The following ABCC12 variants were observed in gnomAD, a reference collection of about 807,000 sequenced individuals.
The protein encoded by ABCC12 is ATP binding cassette subfamily C member 12.
ABCC12 carries 142 observed loss-of-function variants against 151.1 expected under a neutral mutation model. That is an observed-to-expected ratio of 0.94 (90% CI 0.82 to 1.08). The LOEUF (loss-of-function observed/expected upper bound fraction) is 1.08, where lower values mean the gene tolerates loss of function less well. Among genes scored for constraint, ABCC12 ranks in the 50% least tolerant of loss-of-function variants. The pLI, the probability that ABCC12 is intolerant of heterozygous loss-of-function variation, is 0.00. For missense variants in ABCC12, 1,638 were observed against 1,691.1 expected (o/e 0.97, Z 0.55); for synonymous variants, 645 against 646.4 (o/e 1.00, Z 0.03).
chr16:48,116,624 C>T (rs899134691), intron 14 of ABCC12, among the ~76,000 whole-genome samples: 7 of 152,118 alleles, frequency 4.6e-5, no homozygotes, highest in Non-Finnish European at 8.8e-5. Flanking sequence ...GAAGGCTTCA[C>T]GGCCACTTCC....
chr16:48,138,407 G>T (rs375238319), intron 7 of ABCC12, 32 bp from the exon 8 acceptor site: 2 of 1,586,950 alleles, frequency 1.3e-6, no homozygotes, highest in African/African-American at 2.7e-5. Context: ...TGTTTTCAGA[G>T]AGAAGTGCTG....
chr16:48,100,830 T>C, intron 23 of ABCC12, 42 bp downstream of exon 23: 3 of 1,603,484 alleles, frequency 1.9e-6, no homozygotes, highest in East Asian at 4.5e-5. Flanking sequence ...GAGTCAGGCA[T>C]GAAGCATGGG....
At chr16:48,127,814 C>T (rs1054895986) in intron 11 of ABCC12, among the ~76,000 whole-genome samples, 1 of 152,130 alleles carries the variant, frequency 6.6e-6, no homozygotes, top group African/African-American at 2.4e-5. Context: ...AATCTCAGCA[C>T]TTGACCCAGG....
chr16:48,115,334 G>A (rs1467476045), intron 15 of ABCC12, 81 bp downstream of exon 15: 3 of 1,459,784 alleles, frequency 2.1e-6, no homozygotes, highest in African/African-American at 2.8e-5. Context: ...GGCAGATATA[G>A]GCAGAAGAGG....
In ABCC12 at chr16:48,105,251, A is replaced by AC; in HGVS notation, c.2560dup (p.Val854GlyfsTer33). 6.2e-7 allele frequency: 1 copy of AC among 1,614,088 alleles called. No individual in the cohort carries two copies. The highest frequency in any genetic ancestry group is 1.1e-5 in the South Asian group (1 of 91,064). ...CATGAACACCATGCTTGCAGTGTAC[A>AC]CCCACTGGTACACATGCTGACCGAT... On this transcript the variant is annotated frameshift_variant, in exon 21 of 31. Transcript: ENST00000311303. LOFTEE classifies it high-confidence loss of function.
At chr16:48,093,900 C>T (rs1007236326) in intron 24 of ABCC12, among the ~76,000 whole-genome samples, 3 of 152,200 alleles carry the variant, frequency 2.0e-5, no homozygotes, top group Non-Finnish European at 2.9e-5. Context: ...ATGCCAATTT[C>T]TCATCCATCT....
rs8057474 is a variant in ABCC12, at chr16:48,104,361, T to C, written c.2681A>G (p.Lys894Arg). 6.2e-7 allele frequency: 1 copy of C among 1,614,128 alleles called. No individual in the cohort carries two copies. The highest frequency in any genetic ancestry group is 1.7e-5 in the Admixed American group (1 of 60,012). ...LHDTVFDKIL[K>R]SPMSFFDTTP... Reference sequence around the variant, plus strand: ...CGTGTCAAAGAAACTCATTGGGCTCTTTAAGATCTGTGGAGAATGGTAGAG... The same window carrying C: ...CGTGTCAAAGAAACTCATTGGGCTCCTTAAGATCTGTGGAGAATGGTAGAG... Residue 894 changes from lysine (K) to arginine (R), a missense_variant, in exon 22 of 31, where the codon AAG becomes AGG. Physicochemically the swap from Lys to Arg is conservative, Grantham distance 26 (BLOSUM62 2). Transcript: ENST00000311303.
At chr16:48,136,645 A>C (rs1964620383) in intron 8 of ABCC12, among the ~76,000 whole-genome samples, 1 of 152,198 alleles carries the variant, frequency 6.6e-6, no homozygotes, top group South Asian at 2.1e-4. Flanking sequence ...GAGCAGGATG[A>C]AGTGATTGAG....
chr16:48,144,165 A>T, intron 3 of ABCC12, 100 bp from the exon 4 acceptor site: 1 of 1,385,536 alleles, frequency 7.2e-7, no homozygotes, highest in Non-Finnish European at 9.8e-7. Context: ...CCACAGCTGC[A>T]CTCAGAATCT....
intron 23 of ABCC12, 46 bp from the exon 24 acceptor site, chr16:48,096,948 T>A: frequency 6.2e-7 from 1 of 1,613,136 alleles, no homozygotes; most frequent in South Asian, 1.1e-5. Context: ...GTCAAGAAAA[T>A]CAGAAAAAGC....
chr16:48,137,457 G>A (rs1253278795), intron 8 of ABCC12, among the ~76,000 whole-genome samples: 4 of 152,220 alleles, frequency 2.6e-5, no homozygotes, highest in African/African-American at 7.2e-5. Context: ...GTGAGGATGT[G>A]TTTCTGGGTT....
intron 10 of ABCC12, 59 bp from the exon 11 acceptor site, chr16:48,128,796 C>T (rs1205252532): frequency 5.1e-6 from 8 of 1,559,662 alleles, no homozygotes; most frequent in Non-Finnish European, 7.0e-6. Context: ...AGAATCATCC[C>T]AATGTATCTT....
chr16:48,085,829 A>C (rs1451887888), intron 28 of ABCC12, 123 bp from the exon 29 acceptor site: 2 of 751,302 alleles, frequency 2.7e-6, no homozygotes, highest in African/African-American at 3.5e-5. Flanking sequence ...TGGCAAAGAA[A>C]GTGCAAAACA....
Position 48,083,959 on chromosome 16 carries a change from G to A in ABCC12, c.3943C>T (p.Leu1315Phe). 1 of 1,610,742 alleles carries A rather than the reference G, an allele frequency of 6.2e-7. No homozygotes were observed. Among genetic ancestry groups the A allele is most frequent in the African/African-American group, 1.3e-5 (1 of 74,094 alleles). The change falls in exon 30 of 31, where the codon CTC (leucine) becomes TTC (phenylalanine). Residue 1315 changes from leucine (L) to phenylalanine (F), a missense_variant. By Grantham distance (22) the Leu-to-Phe change is conservative. Coordinates refer to ENST00000311303, the MANE Select transcript of ABCC12 (RefSeq NM_001393797.1). ...TGATCGCAGTTGAGAACTGTGTTGA[G>A]GCGGTGGGCGATGGTCAGCACAGTG... ...GCTVLTIAHR[L>F]NTVLNCDHVL...
intron 11 of ABCC12, among the ~76,000 whole-genome samples, chr16:48,126,919 C>T (rs76892801): frequency 1.3e-5 from 2 of 152,146 alleles, no homozygotes; most frequent in Admixed American, 6.5e-5. Context: ...CAGAAAGCAG[C>T]GTCCTTAGAA....
rs192436583 is a variant in ABCC12 at position 48,106,948 on chromosome 16, G to A, written c.2475+374C>T. On this transcript the variant is annotated intron_variant, in intron 20 of 30. Transcript: ENST00000311303. The stretch of plus-strand genomic sequence containing the variant: ...GACCTTCTGGCACTGGGCAGTGTCC[G>A]TAACAAGATGCCAGTTTCTCTTTAG... Among the ~76,000 whole-genome samples the A allele has an allele frequency of 2.6e-3, 390 of 152,300 alleles. 4 individuals are homozygous for A. Among genetic ancestry groups the A allele is most frequent in the African/African-American group, 8.3e-3 (344 of 41,566 alleles).
chr16:48,153,734 C>T lies in ABCC12; in HGVS notation c.-169G>A, dbSNP rs1249459526. 1 of 152,212 alleles carries T rather than the reference C, an allele frequency of 6.6e-6. No homozygotes were observed. The highest frequency in any genetic ancestry group is 1.5e-5 in the Non-Finnish European group (1 of 68,052). 9.4% of individuals were successfully genotyped at this position (152,212 alleles called of 1,614,324 possible). The stretch of plus-strand genomic sequence containing the variant: ...ATGCCAAACACTGGAGGCCAGGCCT[C>T]CCTGGCCAGGTTTGAGTAATCAGCG... On this transcript the variant is annotated 5_prime_UTR_variant, in exon 2 of 31. Coordinates refer to ENST00000311303, the MANE Select transcript of ABCC12 (RefSeq NM_001393797.1).
At position 48,080,941 on chromosome 16, in the gene ABCC12, C is replaced by T. The variant is rs1188886551; in HGVS notation, c.*2774G>A. ...TTCTGGACGCTGGGAAATCCATGGTCGAGGTGCCAACAGATTTGGTGTTGA... is the reference window on the plus strand; with the variant it reads ...TTCTGGACGCTGGGAAATCCATGGTTGAGGTGCCAACAGATTTGGTGTTGA... On this transcript the variant is annotated 3_prime_UTR_variant, in exon 31 of 31. Coordinates refer to ENST00000311303, the MANE Select transcript of ABCC12 (RefSeq NM_001393797.1). 1.3e-5 allele frequency among the ~76,000 whole-genome samples: 2 copies of T among 152,168 alleles called. No homozygotes were observed. The highest frequency in any genetic ancestry group is 2.9e-5 in the Non-Finnish European group (2 of 68,028).
intron 20 of ABCC12, 116 bp downstream of exon 20, chr16:48,107,206 G>A: frequency 2.1e-6 from 2 of 963,976 alleles, no homozygotes; most frequent in Non-Finnish European, 3.3e-6. Context: ...CTTGAAAAGG[G>A]CAGAGGGATG....
Sources: gnomAD v4.1 joint callset for allele counts (sites outside exome capture counted in the v4.1 genomes callset) on GRCh38, gnomAD v4.1.1 for gene constraint, MANE v1.5 for transcripts, NCBI Gene and HGNC (gene_info 2026-07-23, HGNC 2026-07-21) for gene names.